Variants in DAPK1 observed in about 807,000 individuals in gnomAD.
DAPK1 encodes the protein death associated protein kinase 1, also known as death-associated protein kinase 1.
A neutral mutation model predicts 144.9 loss-of-function variants in DAPK1; 56 were observed. The ratio of observed to expected loss-of-function variants is 0.39; its 90% confidence interval spans 0.31 to 0.48. The LOEUF (loss-of-function observed/expected upper bound fraction) is 0.48, where lower values mean the gene tolerates loss of function less well. DAPK1 is among the 20% of genes least tolerant of loss of function. The pLI is 0.95. For synonymous variants in DAPK1, 690 were observed against 749.0 expected (o/e 0.92, Z 1.29); for missense variants, 1,454 against 1,875.4 (o/e 0.78, Z 4.15).
chr9:87,588,520 T>C (rs1828013843), intron 2 of DAPK1, among the ~76,000 whole-genome samples: 1 of 152,210 alleles, frequency 6.6e-6, no homozygotes, highest in Admixed American at 6.5e-5. Flanking sequence ...ATGACCATGC[T>C]GAGACTCAGC....
At chr9:87,578,361 T>C (rs3095750) in intron 2 of DAPK1, among the ~76,000 whole-genome samples, 134,735 of 152,240 alleles carry the variant, frequency 0.89, 59,868 homozygotes, top group African/African-American at 0.97. Flanking sequence ...CATCAGATTG[T>C]ACTATGTAGA....
At chr9:87,517,955 A>G (rs903930251) in intron 2 of DAPK1, among the ~76,000 whole-genome samples, 3 of 152,152 alleles carry the variant, frequency 2.0e-5, no homozygotes, top group African/African-American at 7.2e-5. Context: ...ACAAGAGGAA[A>G]TGGGCACCAG....
At chr9:87,675,899 T>C (rs1458156944) in intron 19 of DAPK1, among the ~76,000 whole-genome samples, 4 of 48,410 alleles carry the variant, frequency 8.3e-5, no homozygotes, top group African/African-American at 4.0e-4. Flanking sequence ...ACACACACCC[T>C]TATGACCACC....
intron 14 of DAPK1, 105 bp downstream of exon 14, chr9:87,647,508 A>G: frequency 1.1e-6 from 1 of 945,954 alleles, no homozygotes; most frequent in Non-Finnish European, 1.7e-6. Context: ...GAAAGGAATC[A>G]GGACCAGAAT....
chr9:87,696,026 G>T (rs887410233), intron 21 of DAPK1, among the ~76,000 whole-genome samples: 1 of 152,132 alleles, frequency 6.6e-6, no homozygotes, highest in African/African-American at 2.4e-5. Flanking sequence ...GCCTACAACC[G>T]TGTCATTATT....
chr9:87,550,201 C>G (rs916597523), intron 2 of DAPK1, among the ~76,000 whole-genome samples: 2 of 152,220 alleles, frequency 1.3e-5, no homozygotes, highest in African/African-American at 4.8e-5. Flanking sequence ...CCCATCCCTC[C>G]AAAGGAAACC....
rs115035267 is a variant in DAPK1, at chr9:87,649,578, C to T, written c.1429-343C>T. ...AGAAAGATGCTGCAATGCACCTGCA[C>T]GAAGGCTCTATTGTTCAGACAAGCA... On this transcript the variant is annotated intron_variant, in intron 15 of 25. Transcript: ENST00000408954. 3.7e-3 allele frequency among the ~76,000 whole-genome samples: 558 copies of T among 152,304 alleles called. 6 individuals carry two copies. The highest frequency in any genetic ancestry group is 0.013 in the African/African-American group (521 of 41,560).
At chr9:87,634,649 A>G (rs1213492839) in intron 3 of DAPK1, among the ~76,000 whole-genome samples, 1 of 152,176 alleles carries the variant, frequency 6.6e-6, no homozygotes, top group African/African-American at 2.4e-5. Context: ...TGAGGATGAG[A>G]TGCTGTCAGA....
At chr9:87,693,473 T>G (rs1273735990) in intron 21 of DAPK1, among the ~76,000 whole-genome samples, 1 of 152,172 alleles carries the variant, frequency 6.6e-6, no homozygotes, top group Non-Finnish European at 1.5e-5. Context: ...GTTTTTCTGA[T>G]ATCTTTGTAT....
intron 17 of DAPK1, among the ~76,000 whole-genome samples, 162 bp downstream of exon 17, chr9:87,651,886 C>T (rs923718561): frequency 4.1e-5 from 6 of 144,596 alleles, no homozygotes; most frequent in Admixed American, 2.0e-4. Flanking sequence ...ATCCCGGGTC[C>T]TGATTCTGTG....
intron 2 of DAPK1, among the ~76,000 whole-genome samples, chr9:87,599,168 C>T (rs532978302): frequency 9.9e-5 from 15 of 152,250 alleles, no homozygotes; most frequent in African/African-American, 3.4e-4. Context: ...GTACCTGGAG[C>T]TTTGGAGGCG....
intron 3 of DAPK1, among the ~76,000 whole-genome samples, chr9:87,630,402 C>T (rs1419249052): frequency 6.6e-6 from 1 of 152,190 alleles, no homozygotes; most frequent in Non-Finnish European, 1.5e-5. Context: ...CTCAAAGTCT[C>T]ATGCAGATAG....
intron 2 of DAPK1, among the ~76,000 whole-genome samples, chr9:87,506,233 G>A (rs1824584099): frequency 6.6e-6 from 1 of 152,206 alleles, no homozygotes; most frequent in Non-Finnish European, 1.5e-5. Flanking sequence ...GCAGCCATTT[G>A]GCGCCAATTT....
At chr9:87,703,850 A>G (rs886238684) in intron 25 of DAPK1, among the ~76,000 whole-genome samples, 2 of 152,244 alleles carry the variant, frequency 1.3e-5, no homozygotes, top group Non-Finnish European at 2.9e-5. Flanking sequence ...ATGGCATCAT[A>G]TGCCTGTCCC....
chr9:87,698,622 C>G lies in DAPK1; in HGVS notation c.2612-34C>G, dbSNP rs1251185932. 4.0e-6 allele frequency: 6 copies of G among 1,509,624 alleles called. No homozygotes were observed. In the South Asian group the frequency reaches 5.7e-5, roughly 14 times the overall value. The allele number at this position is 1,509,624 out of a possible 1,614,324, so 93.5% of individuals were successfully genotyped here. On this transcript the variant is annotated intron_variant, in intron 22 of 25. Coordinates refer to ENST00000408954, the MANE Select transcript of DAPK1 (RefSeq NM_004938.4). ...AGGAGAGGCAGCCAGGTAGGAGGAC[C>G]CACCCCCTGAAGCAGTTCCCTCTCT...
chr9:87,641,868 T>C lies in DAPK1; in HGVS notation c.829-101T>C, dbSNP rs36212046. 7.9e-4 allele frequency: 676 copies of C among 853,888 alleles called. 1 individual carries two copies. In the African/African-American group the frequency reaches 9.5e-3, roughly 12 times the overall value. 52.9% of individuals were successfully genotyped at this position (853,888 alleles called of 1,614,324 possible). A position where few individuals can be genotyped will look rare whatever the true frequency, so the allele number is the denominator to read the frequency against. On this transcript the variant is annotated intron_variant, in intron 9 of 25. Coordinates refer to ENST00000408954, the MANE Select transcript of DAPK1 (RefSeq NM_004938.4). ...TCTTATGCTAATTTAATAAGGTGAA[T>C]GTGTAAGCATCCTGAATAAGGAGAT... is the stretch of plus-strand genomic sequence containing the variant.
chr9:87,651,379 A>G, intron 16 of DAPK1, 148 bp from the exon 17 acceptor site: 1 of 719,816 alleles, frequency 1.4e-6, no homozygotes, highest in Non-Finnish European at 2.4e-6. Context: ...TATAGGAGTA[A>G]AGTTTCTTCA....
rs1022298771 is a variant in DAPK1 at position 87,686,313 on chromosome 9, C to T, written c.2225-238C>T. On this transcript the variant is annotated intron_variant, in intron 20 of 25. Transcript: ENST00000408954. The surrounding 1 kb of genome is among the most constrained non-coding windows in gnomAD (Gnocchi z 4.2). ...GACACAATCCCTAGGACCAGCCACCCGGGCAACAGGGCGGGGCAGAAAAGG... is the reference window on the plus strand; with the variant it reads ...GACACAATCCCTAGGACCAGCCACCTGGGCAACAGGGCGGGGCAGAAAAGG... Among the ~76,000 whole-genome samples, 2 of 152,130 alleles carry T rather than the reference C, an allele frequency of 1.3e-5. No homozygotes were observed. The highest frequency in any genetic ancestry group is 6.5e-5 in the Admixed American group (1 of 15,274).
At position 87,686,384 on chromosome 9, in the gene DAPK1, A is replaced by ACTACCTGCTCT. The variant is rs1298081271; in HGVS notation, c.2225-167_2225-166insCTACCTGCTCT. Reference sequence around the variant, plus strand: ...CGGAAAAGCCCACAGCCTTGCTGGGAACACTGCTGCCCTGCACGTGTGAGG... The same window carrying ACTACCTGCTCT: ...CGGAAAAGCCCACAGCCTTGCTGGGACTACCTGCTCTACACTGCTGCCCTGCACGTGTGAGG... On this transcript the variant is annotated intron_variant, in intron 20 of 25. Transcript: ENST00000408954. This position sits in a 1 kb window ranked among gnomAD's most constrained non-coding sequence, Gnocchi z 4.2. Among the ~76,000 whole-genome samples, 1 of 152,134 alleles carries ACTACCTGCTCT rather than the reference A, an allele frequency of 6.6e-6. No homozygotes were observed. The highest frequency in any genetic ancestry group is 2.4e-5 in the African/African-American group (1 of 41,432).
Sources: gnomAD v4.1 joint callset for allele counts (sites outside exome capture counted in the v4.1 genomes callset) on GRCh38, gnomAD v4.1.1 for gene constraint, Gnocchi (gnomAD v3.1) non-coding constraint, MANE v1.5 for transcripts, NCBI Gene and HGNC (gene_info 2026-07-23, HGNC 2026-07-21) for gene names.